Variants in RPS4X observed in about 807,000 individuals in gnomAD.
RPS4X encodes small ribosomal subunit protein eS4, X isoform.
For missense variants in RPS4X, 90 were observed against 219.1 expected (o/e 0.41, Z 3.72); for synonymous variants, 76 against 76.8 (o/e 0.99, Z 0.06).
intron 1 of RPS4X, 77 bp from the exon 2 acceptor site, chrX:72,276,311 AG>A: frequency 1.3e-6 from 1 of 750,625 alleles, no homozygotes; most frequent in Non-Finnish European, 2.0e-6. Flanking sequence ...CTAAACTCTT[AG>A]TTTAGTTTCA....
chrX:72,274,065 T>G, intron 4 of RPS4X, 93 bp from the exon 5 acceptor site: 1 of 775,886 alleles, frequency 1.3e-6, no homozygotes, highest in Non-Finnish European at 1.9e-6. Context: ...CTGCTGCAGA[T>G]TAATTGTGAC....
intron 1 of RPS4X, among the ~76,000 whole-genome samples, chrX:72,276,827 G>A (rs1046021722): frequency 1.8e-5 from 2 of 112,706 alleles, no homozygotes; most frequent in African/African-American, 6.4e-5. Flanking sequence ...TGCCAAAAAG[G>A]CAATGACAAA....
chrX:72,276,149 A>G lies in RPS4X; in HGVS notation c.81+8T>C. 2 of 1,193,922 alleles carry G rather than the reference A, an allele frequency of 1.7e-6. No homozygotes were observed. Among genetic ancestry groups the G allele is most frequent in the Non-Finnish European group, 2.3e-6 (2 of 879,944 alleles). On this transcript the variant is annotated splice_region_variant and intron_variant, in intron 2 of 6. Transcript: ENST00000316084. ...GTGGCCACGGAAATATTTATATAAG[A>G]TACTTACAAACACACCGGTCAATTT...
At chrX:72,274,022 T>C (rs780687993) in intron 4 of RPS4X, 50 bp from the exon 5 acceptor site, 38 of 1,104,325 alleles carry the variant, frequency 3.4e-5, no homozygotes, top group Non-Finnish European at 4.7e-5. Context: ...ACATGTACTT[T>C]TTAACCCTAT....
chrX:72,273,165 A>C, intron 6 of RPS4X, 67 bp downstream of exon 6: 1 of 1,068,819 alleles, frequency 9.4e-7, no homozygotes, highest in Non-Finnish European at 1.3e-6. Flanking sequence ...CCTGGATGCT[A>C]CAATCCCAGC....
rs918276449 is a variant in RPS4X at position 72,272,128 on chromosome X, G to A, written c.*543C>T. ...GACTGCAGCGGCAGCTGGAGAATAA[G>A]GGCACTAAGTCCAAGGAACTGCAAT... On this transcript the variant is annotated 3_prime_UTR_variant, in exon 7 of 7. Coordinates refer to ENST00000316084, the MANE Select transcript of RPS4X (RefSeq NM_001007.5). 1 of 112,505 alleles carries A rather than the reference G, an allele frequency of 8.9e-6. No homozygotes were observed. Among genetic ancestry groups the A allele is most frequent in the Non-Finnish European group, 1.9e-5 (1 of 53,415 alleles). The allele number at this position is 112,505 out of a possible 1,213,427, so 9.3% of individuals were successfully genotyped here.
chrX:72,275,181 A>C, intron 3 of RPS4X, 31 bp from the exon 4 acceptor site: 11 of 994,561 alleles, frequency 1.1e-5, no homozygotes, highest in Non-Finnish European at 1.6e-5. Flanking sequence ...GTTACTACAT[A>C]CAGTGATCCC....
intron 4 of RPS4X, chrX:72,274,329 C>T: frequency 9.0e-6 from 3 of 334,424 alleles, no homozygotes; most frequent in Non-Finnish European, 1.8e-5. Flanking sequence ...TCAACAAATA[C>T]TTCACATAGC....
chrX:72,274,992 G>A lies in RPS4X; in HGVS notation c.360+61C>T, dbSNP rs1026150549. The A allele has an allele frequency of 1.1e-5, 8 of 735,413 alleles. No homozygotes were observed. In the South Asian group the frequency reaches 1.8e-4, roughly 16 times the overall value. The allele number at this position is 735,413 out of a possible 1,213,427, so 60.6% of individuals were successfully genotyped here. A position where few individuals can be genotyped will look rare whatever the true frequency, so the allele number is the denominator to read the frequency against. On this transcript the variant is annotated intron_variant, in intron 4 of 6. Coordinates refer to ENST00000316084, the MANE Select transcript of RPS4X (RefSeq NM_001007.5). ...ATTGCAAGCAGCACTCGTACTCAAT[G>A]CAGGCCCTTAGAACAAAGTAACTAT...
chrX:72,274,477 T>C (rs191083558), intron 4 of RPS4X: 6 of 340,609 alleles, frequency 1.8e-5, no homozygotes, highest in Admixed American at 1.6e-4. Context: ...TCAATTAAAT[T>C]AACCTTCATT....
intron 4 of RPS4X, 125 bp downstream of exon 4, chrX:72,274,928 T>C: frequency 2.2e-6 from 1 of 449,277 alleles, no homozygotes; most frequent in Admixed American, 3.6e-5. Context: ...TAGCTAGATA[T>C]TTCCAGGTAT....
At position 72,275,169 on chromosome X, in the gene RPS4X, C is replaced by T. The variant is rs377110314; in HGVS notation, c.263-19G>A. 6.5e-6 allele frequency: 7 copies of T among 1,071,818 alleles called. No homozygotes were observed. The highest frequency in any genetic ancestry group is 3.8e-5 in the South Asian group (2 of 52,484). 88.3% of individuals were successfully genotyped at this position (1,071,818 alleles called of 1,213,427 possible). Reference sequence around the variant, plus strand: ...ATGACATCTGAAATCAAGCAGTAACCGGTTACTACATACAGTGATCCCCAC... The same window carrying T: ...ATGACATCTGAAATCAAGCAGTAACTGGTTACTACATACAGTGATCCCCAC... On this transcript the variant is annotated intron_variant, in intron 3 of 6. Transcript: ENST00000316084.
chrX:72,274,336 T>C (rs1280432757), intron 4 of RPS4X: 1 of 338,104 alleles, frequency 3.0e-6, no homozygotes. Context: ...ATACTTCACA[T>C]AGCATTTCAA....
rs781707279 is a variant in RPS4X at position 72,273,394 on chromosome X, G to A, written c.533-5C>T. 8.4e-7 allele frequency: 1 copy of A among 1,183,662 alleles called. No homozygotes were observed. The highest frequency in any genetic ancestry group is 1.1e-6 in the Non-Finnish European group (1 of 882,267). ...CAGTCACCATACACAGGTTACCTAGGCAGGAAGAAATAATCTGCTTCAACT... is the reference window on the plus strand; with the variant it reads ...CAGTCACCATACACAGGTTACCTAGACAGGAAGAAATAATCTGCTTCAACT... On this transcript the variant is annotated splice_polypyrimidine_tract_variant and splice_region_variant and intron_variant, in intron 5 of 6. Coordinates refer to ENST00000316084, the MANE Select transcript of RPS4X (RefSeq NM_001007.5).
In RPS4X at chrX:72,275,582, T is replaced by A. The variant is rs1283716059; in HGVS notation, c.224A>T (p.Lys75Met). The A allele has an allele frequency of 8.3e-7, 1 of 1,210,929 alleles. No individual in the cohort carries two copies. The highest frequency in any genetic ancestry group is 3.0e-5 in the East Asian group (1 of 33,830). ...AGGGTAGGTTATATCAGTTCGGACCTTGCCATCGATTTTAATGAACCGCTG... is the reference window on the plus strand; with the variant it reads ...AGGGTAGGTTATATCAGTTCGGACCATGCCATCGATTTTAATGAACCGCTG... ...CMQRFIKIDG[K>M]VRTDITYPAG... Residue 75 changes from lysine (K) to methionine (M), a missense_variant, in exon 3 of 7, where the codon AAG (lysine) becomes ATG (methionine). Coordinates refer to ENST00000316084, the MANE Select transcript of RPS4X (RefSeq NM_001007.5).
rs1277804620 is a variant in RPS4X, at chrX:72,277,186, G to A, written c.3+7C>T. The A allele has an allele frequency of 2.5e-5, 30 of 1,209,367 alleles. No homozygotes were observed. The highest frequency in any genetic ancestry group is 3.4e-5 in the Non-Finnish European group (30 of 894,458). ...CGTCCTAAGAGCTCGCTAACTAAAC[G>A]GCTTACCATGGCTGCGTTAGGCAAG... On this transcript the variant is annotated splice_region_variant and intron_variant, in intron 1 of 6. Transcript: ENST00000316084.
chrX:72,273,740 G>A (rs920001324), intron 5 of RPS4X, 61 bp downstream of exon 5: 32 of 1,002,891 alleles, frequency 3.2e-5, no homozygotes, highest in Non-Finnish European at 4.5e-5. Flanking sequence ...CCCAGACCCT[G>A]TGCAATTCAT....
chrX:72,272,080 G>A lies in RPS4X; in HGVS notation c.*591C>T, dbSNP rs991023251. On this transcript the variant is annotated 3_prime_UTR_variant, in exon 7 of 7. Coordinates refer to ENST00000316084, the MANE Select transcript of RPS4X (RefSeq NM_001007.5). ...GAACAAGTTTATGTTCTACATCTCT[G>A]TCCTCTGAAAAACAGAGTTGAGGAC... is the stretch of plus-strand genomic sequence containing the variant. 1 of 112,440 alleles carries A rather than the reference G, an allele frequency of 8.9e-6. No individual in the cohort carries two copies. The highest frequency in any genetic ancestry group is 1.9e-5 in the Non-Finnish European group (1 of 53,378). The allele number at this position is 112,440 out of a possible 1,213,427, so 9.3% of individuals were successfully genotyped here.
Position 72,275,069 on chromosome X carries a change from G to A in RPS4X, c.344C>T (p.Thr115Ile). Residue 115 changes from threonine to isoleucine, a missense_variant, in exon 4 of 7, where the codon ACA (threonine) becomes ATA (isoleucine). Coordinates refer to ENST00000316084, the MANE Select transcript of RPS4X (RefSeq NM_001007.5). Reference sequence around the variant, plus strand: ...CACACTCACCTTGGCCTCCTCAGGTGTAATACGATGTACAGCAAAGCGACC... The same window carrying A: ...CACACTCACCTTGGCCTCCTCAGGTATAATACGATGTACAGCAAAGCGACC... ...TKGRFAVHRI[T>I]PEEAKYKLCK... The A allele has an allele frequency of 1.7e-6, 2 of 1,204,023 alleles. No homozygotes were observed. Among genetic ancestry groups the A allele is most frequent in the Non-Finnish European group, 2.3e-6 (2 of 888,857 alleles).
Sources: allele counts gnomAD v4.1 joint callset (sites outside exome capture counted in the v4.1 genomes callset), GRCh38; gene constraint gnomAD v4.1.1; transcripts MANE v1.5; gene names NCBI Gene and HGNC (gene_info 2026-07-23, HGNC 2026-07-21).